P2RY14: variants seen among roughly 807,000 people sequenced by gnomAD.
The protein encoded by P2RY14 is purinergic receptor P2Y14.
In P2RY14, 2 loss-of-function variants were observed where a neutral mutation model predicts 0.9. The observed-to-expected ratio is 2.16, with a 90% CI of 0.88 to 6.79. The LOEUF is 6.79. Ranked by LOEUF, P2RY14 falls within the 30% of genes most tolerant of loss-of-function variation. The pLI is 0.05. For missense variants in P2RY14, 378 were observed against 400.1 expected (o/e 0.94, Z 0.47); for synonymous variants, 158 against 147.2 (o/e 1.07, Z -0.53).
chr3:151,240,551 C>A (rs1025763746), intron 1 of P2RY14, among the ~76,000 whole-genome samples: 1 of 152,116 alleles, frequency 6.6e-6, no homozygotes, highest in African/African-American at 2.4e-5. Context: ...GGTGAAAGAG[C>A]TAAAAAACAA....
chr3:151,240,751 C>T (rs1559922613), intron 1 of P2RY14, among the ~76,000 whole-genome samples: 1 of 152,240 alleles, frequency 6.6e-6, no homozygotes, highest in Non-Finnish European at 1.5e-5. Context: ...GTTTTGTGCA[C>T]TCTTGCATCT....
intron 1 of P2RY14, among the ~76,000 whole-genome samples, chr3:151,241,097 TGTTA>T (rs749647754): frequency 3.9e-5 from 6 of 152,028 alleles, no homozygotes; most frequent in Non-Finnish European, 7.4e-5. Context: ...TACTTGGAAG[TGTTA>T]GTTAGAAGTC....
intron 1 of P2RY14, among the ~76,000 whole-genome samples, chr3:151,251,845 A>G (rs1736915703): frequency 6.6e-6 from 1 of 152,170 alleles, no homozygotes; most frequent in African/African-American, 2.4e-5. Flanking sequence ...CTCAGTCTTT[A>G]TTATATCCAC....
At chr3:151,219,214 AAGTGTTT>A (rs1728841871) in intron 2 of P2RY14, among the ~76,000 whole-genome samples, 3 of 152,220 alleles carry the variant, frequency 2.0e-5, no homozygotes, top group Admixed American at 2.0e-4. Context: ...GTGCTGCATG[AAGTGTTT>A]TCAAGTTGTC....
In P2RY14 at chr3:151,214,228, C is replaced by G; in HGVS notation, c.89G>C (p.Cys30Ser). The G allele has an allele frequency of 6.2e-7, 1 of 1,613,948 alleles. No homozygotes were observed. The highest frequency in any genetic ancestry group is 8.5e-7 in the Non-Finnish European group (1 of 1,179,860). Residue 30 changes from cysteine (C) to serine (S), a missense_variant, in exon 3 of 3, where the codon TGT (cysteine) becomes TCT (serine). Physicochemically the swap from Cys to Ser is moderately radical, Grantham distance 112. Transcript: ENST00000309170. Reference protein sequence around the residue: ...ITQQIIPVLYCMVFIAGILLN... With the variant: ...ITQQIIPVLYSMVFIAGILLN... ...TAGGATTCCTGCAATGAAGACCATA[C>G]AGTACAGCACAGGAATGATCTGCTG...
At chr3:151,248,581 C>A (rs1736217441) in intron 1 of P2RY14, among the ~76,000 whole-genome samples, 1 of 152,044 alleles carries the variant, frequency 6.6e-6, no homozygotes, top group African/African-American at 2.4e-5. Context: ...ATCCGACTGT[C>A]TGGATAATAA....
At chr3:151,221,425 C>G (rs1450090748) in intron 1 of P2RY14, among the ~76,000 whole-genome samples, 3 of 152,180 alleles carry the variant, frequency 2.0e-5, no homozygotes, top group Non-Finnish European at 4.4e-5. Context: ...TGTCAAAGGT[C>G]TTTACTGCAA....
chr3:151,252,982 A>G (rs982260362), intron 1 of P2RY14, among the ~76,000 whole-genome samples: 14 of 152,196 alleles, frequency 9.2e-5, no homozygotes, highest in Non-Finnish European at 2.9e-5. Context: ...TATTTATTTT[A>G]AGGGAACTTG....
chr3:151,216,047 A>G (rs934961755), intron 2 of P2RY14, among the ~76,000 whole-genome samples: 6 of 152,152 alleles, frequency 3.9e-5, no homozygotes, highest in African/African-American at 1.4e-4. Context: ...GTGTGTGCTT[A>G]TCATCCTGTG....
chr3:151,257,049 A>G (rs1177835105), intron 1 of P2RY14, among the ~76,000 whole-genome samples: 1 of 152,126 alleles, frequency 6.6e-6, no homozygotes, highest in African/African-American at 2.4e-5. Flanking sequence ...AAGCAGCACG[A>G]TACAGCTGCT....
intron 2 of P2RY14, among the ~76,000 whole-genome samples, chr3:151,215,040 C>CT (rs1727922208): frequency 6.6e-6 from 1 of 151,632 alleles, no homozygotes; most frequent in African/African-American, 2.4e-5. Flanking sequence ...AAGACAGTGT[C>CT]TAACAAACAT....
chr3:151,215,492 A>C (rs1728030494), intron 2 of P2RY14, among the ~76,000 whole-genome samples: 1 of 152,212 alleles, frequency 6.6e-6, no homozygotes, highest in African/African-American at 2.4e-5. Flanking sequence ...GACTCTGGCT[A>C]CTAGGAAATT....
At chr3:151,274,562 AT>A (rs910271592) in intron 1 of P2RY14, among the ~76,000 whole-genome samples, 1 of 152,150 alleles carries the variant, frequency 6.6e-6, no homozygotes, top group Non-Finnish European at 1.5e-5. Flanking sequence ...ACTAAGTATC[AT>A]TTTTCATATT....
Position 151,214,157 on chromosome 3 carries a change from T to C in P2RY14, c.160A>G (p.Lys54Glu), listed in dbSNP as rs1727717324. 1.9e-6 allele frequency: 3 copies of C among 1,614,028 alleles called. No homozygotes were observed. The change falls in exon 3 of 3, where the codon AAG (lysine) becomes GAG (glutamate). Residue 54 changes from lysine to glutamate, a missense_variant. Coordinates refer to ENST00000309170, the MANE Select transcript of P2RY14 (RefSeq NM_014879.4). ...GWIFFYVPSSKSFIIYLKNIV... is the reference protein window; with the variant it reads ...GWIFFYVPSSESFIIYLKNIV... The stretch of plus-strand genomic sequence containing the variant: ...TTCTTGAGATAGATGATGAAACTCT[T>C]AGAGCTGGGCACGTAAAAGAATATC...
chr3:151,213,573 A>C lies in P2RY14; in HGVS notation c.744T>G (p.Pro248=). 3 of 1,614,210 alleles carry C rather than the reference A, an allele frequency of 1.9e-6. No homozygotes were observed. Among genetic ancestry groups the C allele is most frequent in the Non-Finnish European group, 2.5e-6 (3 of 1,180,028 alleles). The change falls in exon 3 of 3, where the codon CCT becomes CCG. Residue 248 remains proline, a synonymous_variant. Coordinates refer to ENST00000309170, the MANE Select transcript of P2RY14 (RefSeq NM_014879.4). The part of the protein sequence containing the change: ...IVFVFFVCFV[P]YHIARIPYTK... ...TGTAGGGGATTCTGGCAATATGGTA[A>C]GGTACAAAACAGACAAAAAACACAA...
At chr3:151,260,554 T>C (rs1023080295) in intron 1 of P2RY14, among the ~76,000 whole-genome samples, 3 of 152,156 alleles carry the variant, frequency 2.0e-5, no homozygotes, top group Non-Finnish European at 4.4e-5. Context: ...TCTCACAATG[T>C]TGCCGTGGTC....
intron 1 of P2RY14, among the ~76,000 whole-genome samples, chr3:151,224,083 A>C (rs1729976674): frequency 6.6e-6 from 1 of 152,172 alleles, no homozygotes; most frequent in Non-Finnish European, 1.5e-5. Context: ...TAGTGTCTGC[A>C]CTTCTGTTTT....
chr3:151,273,227 C>CTTT (rs63035061), intron 1 of P2RY14, among the ~76,000 whole-genome samples: 79 of 106,136 alleles, frequency 7.4e-4, no homozygotes, highest in Non-Finnish European at 9.0e-4. Flanking sequence ...TTGTTGTGTT[C>CTTT]TTTTTTTTTT....
At chr3:151,243,721 T>G (rs1340183378) in intron 1 of P2RY14, among the ~76,000 whole-genome samples, 1 of 150,190 alleles carries the variant, frequency 6.7e-6, no homozygotes, top group Non-Finnish European at 1.5e-5. Context: ...ACGAGCAAAA[T>G]AACCAGCTAA....
Sources: allele counts gnomAD v4.1 joint callset (sites outside exome capture counted in the v4.1 genomes callset), GRCh38; gene constraint gnomAD v4.1.1; transcripts MANE v1.5; gene names NCBI Gene and HGNC (gene_info 2026-07-23, HGNC 2026-07-21).